ADAMTS12: variants seen among roughly 807,000 people sequenced by gnomAD.
ADAMTS12 encodes the protein ADAM metallopeptidase with thrombospondin type 1 motif 12, also known as A disintegrin and metalloproteinase with thrombospondin motifs 12.
In ADAMTS12, 118 loss-of-function variants were observed where a neutral mutation model predicts 167.8. The observed-to-expected ratio is 0.70, with a 90% CI of 0.61 to 0.82. ADAMTS12 has a LOEUF of 0.82. Ranked by LOEUF, ADAMTS12 falls within the 40% of genes least tolerant of loss-of-function variation. The pLI is 0.00. For synonymous variants in ADAMTS12, 704 were observed against 716.9 expected, an observed-to-expected ratio of 0.98 and a Z score of 0.29; for missense variants, 1,916 against 1,998.8, an observed-to-expected ratio of 0.96 and a Z score of 0.79.
chr5:33,880,855 C>G (rs75486147), intron 2 of ADAMTS12: 20,441 of 429,212 alleles, frequency 0.048, 1,135 homozygotes, highest in East Asian at 0.19. Flanking sequence ...TCTTCTTCCC[C>G]CTCCAACCCC....
intron 2 of ADAMTS12, among the ~76,000 whole-genome samples, chr5:33,838,861 A>G (rs1748633151): frequency 6.6e-6 from 1 of 152,188 alleles, no homozygotes; most frequent in South Asian, 2.1e-4. Context: ...TCATTTCCAA[A>G]GAGAAAGTGT....
At chr5:33,674,389 C>T (rs1040088261) in intron 5 of ADAMTS12, among the ~76,000 whole-genome samples, 1 of 152,146 alleles carries the variant, frequency 6.6e-6, no homozygotes, top group Non-Finnish European at 1.5e-5. Flanking sequence ...CGTGTTTCTG[C>T]ACATCATCTG....
chr5:33,815,334 GT>G (rs1443752474), intron 2 of ADAMTS12, among the ~76,000 whole-genome samples: 1 of 152,132 alleles, frequency 6.6e-6, no homozygotes, highest in Non-Finnish European at 1.5e-5. Context: ...TTATTAACAG[GT>G]TTAGATGAGG....
intron 2 of ADAMTS12, among the ~76,000 whole-genome samples, chr5:33,826,370 T>TA (rs928849702): frequency 1.3e-5 from 2 of 152,050 alleles, no homozygotes; most frequent in South Asian, 4.1e-4. Flanking sequence ...AAAATGTTAA[T>TA]AAAAAATAGT....
At chr5:33,572,093 G>T (rs1746384735) in intron 19 of ADAMTS12, among the ~76,000 whole-genome samples, 1 of 152,156 alleles carries the variant, frequency 6.6e-6, no homozygotes, top group Admixed American at 6.5e-5. Flanking sequence ...AGCTGAAATT[G>T]GGGCAATAAT....
intron 2 of ADAMTS12, among the ~76,000 whole-genome samples, chr5:33,771,790 G>A (rs1383754051): frequency 2.6e-5 from 4 of 151,160 alleles, no homozygotes; most frequent in South Asian, 2.1e-4. Flanking sequence ...GTTATACTGC[G>A]TACTTGATGT....
At chr5:33,584,616 C>G (rs1364003247) in intron 18 of ADAMTS12, among the ~76,000 whole-genome samples, 1 of 152,186 alleles carries the variant, frequency 6.6e-6, no homozygotes, top group South Asian at 2.1e-4. Flanking sequence ...TTAGTGAACA[C>G]TTACTTTTTA....
intron 3 of ADAMTS12, 41 bp from the exon 4 acceptor site, chr5:33,684,096 G>A (rs1742235874): frequency 6.0e-6 from 8 of 1,339,470 alleles, no homozygotes; most frequent in Non-Finnish European, 7.8e-6. Flanking sequence ...CACTGTATAT[G>A]TCTCATATAT....
At chr5:33,683,228 G>T in intron 4 of ADAMTS12, 127 bp from the exon 5 acceptor site, 1 of 655,626 alleles carries the variant, frequency 1.5e-6, no homozygotes, top group Non-Finnish European at 2.5e-6. Context: ...GTTTGGCGGT[G>T]TGCTAAGAAG....
chr5:33,676,994 T>C (rs1312178832), intron 5 of ADAMTS12, among the ~76,000 whole-genome samples: 1 of 152,168 alleles, frequency 6.6e-6, no homozygotes, highest in East Asian at 1.9e-4. Context: ...ACCAATGCCA[T>C]TAGGCTCCTC....
chr5:33,666,581 C>T (rs1741477619), intron 5 of ADAMTS12, among the ~76,000 whole-genome samples: 1 of 152,160 alleles, frequency 6.6e-6, no homozygotes, highest in Non-Finnish European at 1.5e-5. Context: ...CAACCTCCAC[C>T]TCCCAGGTTC....
chr5:33,882,302 AAAG>A (rs1739488280), intron 1 of ADAMTS12, among the ~76,000 whole-genome samples: 1 of 152,230 alleles, frequency 6.6e-6, no homozygotes, highest in South Asian at 2.1e-4. Context: ...AGAGTGCATA[AAAG>A]AAGCTGGGTT....
chr5:33,682,996 G>T, intron 5 of ADAMTS12, 22 bp downstream of exon 5: 1 of 1,606,102 alleles, frequency 6.2e-7, no homozygotes, highest in South Asian at 1.1e-5. Flanking sequence ...TATAGCAGAA[G>T]AGTGAAGGGA....
intron 15 of ADAMTS12, among the ~76,000 whole-genome samples, chr5:33,615,235 C>G (rs955166897): frequency 6.6e-6 from 1 of 152,198 alleles, no homozygotes; most frequent in Non-Finnish European, 1.5e-5. Context: ...TGTGAGTGCT[C>G]TGATCTCTGG....
At chr5:33,794,556 A>G (rs1294394952) in intron 2 of ADAMTS12, among the ~76,000 whole-genome samples, 2 of 152,210 alleles carry the variant, frequency 1.3e-5, no homozygotes, top group African/African-American at 2.4e-5. Flanking sequence ...CTGCCACTCA[A>G]TTAAGTAAAT....
chr5:33,863,033 A>G lies in ADAMTS12; in HGVS notation c.489+18086T>C, dbSNP rs186619132. On this transcript the variant is annotated intron_variant, in intron 2 of 23. Transcript: ENST00000504830. ...ACACTCAATAAACTAGATGTCGATG[A>G]AACGTATCTCAAAATAATAAGAGCT... is the stretch of plus-strand genomic sequence containing the variant. Among the ~76,000 whole-genome samples the G allele has an allele frequency of 8.3e-4, 126 of 152,254 alleles. 2 individuals carry two copies. The East Asian group carries it at 0.018, about 22-fold the overall frequency.
chr5:33,789,147 A>C (rs1746435871), intron 2 of ADAMTS12, among the ~76,000 whole-genome samples: 1 of 151,242 alleles, frequency 6.6e-6, no homozygotes, highest in African/African-American at 2.5e-5. Context: ...GGCTGTGGAC[A>C]TTGTGTGAAT....
chr5:33,704,309 G>A (rs951935042), intron 3 of ADAMTS12, among the ~76,000 whole-genome samples: 2 of 152,142 alleles, frequency 1.3e-5, no homozygotes, highest in African/African-American at 4.8e-5. Flanking sequence ...CAATGAACAT[G>A]GGAAAGCAGA....
At chr5:33,550,245 C>CT in intron 20 of ADAMTS12, among the ~76,000 whole-genome samples, 1 of 152,350 alleles carries the variant, frequency 6.6e-6, no homozygotes. Flanking sequence ...TGTTGACTCT[C>CT]TGACTTCTTG....
Sources: allele counts gnomAD v4.1 joint callset (sites outside exome capture counted in the v4.1 genomes callset), GRCh38; gene constraint gnomAD v4.1.1; transcripts MANE v1.5; gene names NCBI Gene and HGNC (gene_info 2026-07-23, HGNC 2026-07-21).